Variants in MAP6 observed in about 807,000 individuals in gnomAD.
MAP6 encodes microtubule associated protein 6.
In MAP6, 26 loss-of-function variants were observed where a neutral mutation model predicts 42.4. That is an observed-to-expected ratio of 0.61 (90% confidence interval 0.45 to 0.85). The LOEUF is 0.85. Ranked by LOEUF, MAP6 falls within the 40% of genes least tolerant of loss-of-function variation. The probability of loss-of-function intolerance (pLI) is 0.00; values close to 1 mark genes in which losing one functional copy is unlikely to be tolerated. For missense variants in MAP6, 966 were observed against 1,099.0 expected (o/e 0.88, Z 1.71); for synonymous variants, 418 against 443.8 (o/e 0.94, Z 0.73).
chr11:75,604,138 T>C (rs778688288), intron 3 of MAP6: 130 of 985,772 alleles, frequency 1.3e-4, no homozygotes, highest in Non-Finnish European at 1.5e-4. Flanking sequence ...AACCCTGAGA[T>C]AGAAAGGAAG....
At chr11:75,613,143 C>T (rs1375739054) in intron 1 of MAP6, among the ~76,000 whole-genome samples, 1 of 152,206 alleles carries the variant, frequency 6.6e-6, no homozygotes, top group Admixed American at 6.5e-5. Flanking sequence ...ATCTTCTTTA[C>T]ATTCTTCACA....
At chr11:75,594,158 G>A (rs974297803) in intron 3 of MAP6, 2 of 152,218 alleles carry the variant, frequency 1.3e-5, no homozygotes, top group Non-Finnish European at 2.9e-5. Flanking sequence ...TAAAACATGG[G>A]CCTCTCAACA....
intron 1 of MAP6, among the ~76,000 whole-genome samples, chr11:75,613,272 C>T (rs1277171274): frequency 1.3e-5 from 2 of 152,132 alleles, no homozygotes; most frequent in African/African-American, 4.8e-5. Context: ...ACATGGGGCA[C>T]ACACTTGCTT....
intron 1 of MAP6, among the ~76,000 whole-genome samples, chr11:75,608,878 G>A (rs545700938): frequency 6.6e-5 from 10 of 152,306 alleles, no homozygotes; most frequent in African/African-American, 2.4e-4. Flanking sequence ...GCTTCTTGGA[G>A]GGCCAGAACT....
rs376661898 is a variant in MAP6 at position 75,626,689 on chromosome 11, C to T, written c.906-18367G>A. 3.2e-3 allele frequency among the ~76,000 whole-genome samples: 488 copies of T among 152,278 alleles called. 2 individuals carry two copies. Among genetic ancestry groups the T allele is most frequent in the African/African-American group, 0.011 (474 of 41,542 alleles). The stretch of plus-strand genomic sequence containing the variant: ...TGTATCAGGTGCTTTGCATTCATTA[C>T]TTAATTTAAATCTCAGAGCCACCTT... On this transcript the variant is annotated intron_variant, in intron 1 of 3. Coordinates refer to ENST00000304771, the MANE Select transcript of MAP6 (RefSeq NM_033063.2).
At chr11:75,640,312 G>C (rs763423292) in intron 1 of MAP6, among the ~76,000 whole-genome samples, 2 of 151,898 alleles carry the variant, frequency 1.3e-5, no homozygotes, top group African/African-American at 4.8e-5. Context: ...AATACTGCAA[G>C]AACAATTGCT....
At position 75,587,378 on chromosome 11, in the gene MAP6, A is replaced by G. The variant is rs773454111; in HGVS notation, c.2123T>C (p.Val708Ala). Residue 708 changes from valine (V) to alanine (A), a missense_variant, in exon 4 of 4, where the codon GTG becomes GCG. Coordinates refer to ENST00000304771, the MANE Select transcript of MAP6 (RefSeq NM_033063.2). ...TTGATTCTTCACGGACTCGGGGACC[A>G]CAGGACCTTGATTCTTTACAGGTGC... ...VVAPVKNQGPVVPESVKNQDP... is the reference protein window; with the variant it reads ...VVAPVKNQGPAVPESVKNQDP... 1.2e-6 allele frequency: 2 copies of G among 1,614,134 alleles called. No individual in the cohort carries two copies. Among genetic ancestry groups the G allele is most frequent in the South Asian group, 2.2e-5 (2 of 91,070 alleles).
At chr11:75,649,032 C>T (rs1943606477) in intron 1 of MAP6, among the ~76,000 whole-genome samples, 4 of 152,044 alleles carry the variant, frequency 2.6e-5, no homozygotes, top group Admixed American at 2.6e-4. Context: ...TGTGCATAAC[C>T]CAACACCCAA....
At chr11:75,646,469 C>G (rs1943554463) in intron 1 of MAP6, among the ~76,000 whole-genome samples, 1 of 139,292 alleles carries the variant, frequency 7.2e-6, no homozygotes, top group East Asian at 2.1e-4. Flanking sequence ...CAAGACCAGC[C>G]TGAGCAACAT....
chr11:75,598,569 C>G (rs916656996), intron 3 of MAP6, among the ~76,000 whole-genome samples: 1 of 152,220 alleles, frequency 6.6e-6, no homozygotes, highest in Non-Finnish European at 1.5e-5. Context: ...GTTGCTGTGA[C>G]CTCTCACAAA....
chr11:75,609,031 C>T (rs893275185), intron 1 of MAP6, among the ~76,000 whole-genome samples: 1 of 152,166 alleles, frequency 6.6e-6, no homozygotes, highest in Non-Finnish European at 1.5e-5. Context: ...GGAGCATCTT[C>T]GTGTGCTTTG....
intron 1 of MAP6, among the ~76,000 whole-genome samples, chr11:75,655,174 G>GA (rs779410399): frequency 2.6e-5 from 4 of 152,120 alleles, no homozygotes; most frequent in Non-Finnish European, 4.4e-5. Flanking sequence ...ATGTTACATT[G>GA]AACTCTGAGT....
intron 1 of MAP6, chr11:75,643,009 T>A: frequency 2.9e-6 from 1 of 345,616 alleles, no homozygotes; most frequent in South Asian, 2.7e-5. Context: ...CAAATAGTAA[T>A]CAAGCCTGTA....
chr11:75,667,942 T>A lies in MAP6; in HGVS notation c.428A>T (p.Tyr143Phe). Residue 143 changes from tyrosine to phenylalanine, a missense_variant, in exon 1 of 4, where the codon TAC becomes TTC. Physicochemically the swap from Tyr to Phe is conservative, Grantham distance 22. This residue lies in a region of MAP6 where 943 missense variants were observed against 1,049.9 expected (regional missense o/e 0.90). Transcript: ENST00000304771. The surrounding 1 kb of genome is among the most constrained non-coding windows in gnomAD (Gnocchi z 5.6). ...PEPSCRPRSE[Y>F]QPSDAPFERE... ...CTCGAAGGGAGCGTCGGAGGGCTGG[T>A]ATTCGCTGCGCGGCCGGCAGCTGGG... 1 of 1,356,418 alleles carries A rather than the reference T, an allele frequency of 7.4e-7. No individual in the cohort carries two copies. Among genetic ancestry groups the A allele is most frequent in the Non-Finnish European group, 9.5e-7 (1 of 1,048,234 alleles). 84.0% of individuals were successfully genotyped at this position (1,356,418 alleles called of 1,614,324 possible).
intron 1 of MAP6, among the ~76,000 whole-genome samples, chr11:75,651,229 C>T (rs1943640858): frequency 1.3e-5 from 2 of 152,172 alleles, no homozygotes; most frequent in African/African-American, 2.4e-5. Flanking sequence ...ATGCATTCTA[C>T]CAAGGGCTTG....
chr11:75,615,302 G>A (rs1307853531), intron 1 of MAP6, among the ~76,000 whole-genome samples: 3 of 152,132 alleles, frequency 2.0e-5, no homozygotes, highest in African/African-American at 4.8e-5. Flanking sequence ...ATTTACATAC[G>A]GCCTACTCAT....
At chr11:75,625,757 T>C (rs1943183526) in intron 1 of MAP6, among the ~76,000 whole-genome samples, 1 of 152,118 alleles carries the variant, frequency 6.6e-6, no homozygotes, top group East Asian at 1.9e-4. Context: ...AAAATAAAAT[T>C]TGGTACCAAT....
At chr11:75,640,196 C>T (rs1389472006) in intron 1 of MAP6, among the ~76,000 whole-genome samples, 1 of 145,964 alleles carries the variant, frequency 6.9e-6, no homozygotes, top group Non-Finnish European at 1.5e-5. Context: ...CCCACCCCCC[C>T]ACACACACAC....
At chr11:75,603,203 G>A in intron 3 of MAP6, 1 of 985,504 alleles carries the variant, frequency 1.0e-6, no homozygotes, top group Non-Finnish European at 1.2e-6. Context: ...TTGCAGGCAG[G>A]GAAACAGCGG....
Sources: gnomAD v4.1 joint callset for allele counts (sites outside exome capture counted in the v4.1 genomes callset) on GRCh38, gnomAD v4.1.1 for gene constraint, gnomAD v4.1.1 regional missense constraint, Gnocchi (gnomAD v3.1) non-coding constraint, MANE v1.5 for transcripts, NCBI Gene and HGNC (gene_info 2026-07-23, HGNC 2026-07-21) for gene names.